The following DPY19L1 variants were observed in gnomAD, a reference collection of about 807,000 sequenced individuals.
The protein encoded by DPY19L1 is protein C-mannosyl-transferase DPY19L1.
A neutral mutation model predicts 96.9 loss-of-function variants in DPY19L1; 35 were observed. That is an observed-to-expected ratio of 0.36 (90% CI 0.28 to 0.48). The LOEUF (loss-of-function observed/expected upper bound fraction) is 0.48, where lower values mean the gene tolerates loss of function less well. DPY19L1 is among the 20% of genes least tolerant of loss of function. The pLI is 0.99. For synonymous variants in DPY19L1, 205 were observed against 252.6 expected (o/e 0.81, Z 1.79); for missense variants, 521 against 777.9 (o/e 0.67, Z 3.93).
rs1231729207 is a variant in DPY19L1, at chr7:35,011,020, C to T, written c.670+310G>A. On this transcript the variant is annotated intron_variant, in intron 5 of 21. Transcript: ENST00000638088. ...CCCCGAAAGGCCACATGTAGGTGTCCCAGCTGAGAGTTCCAGCTGAGCTCA... is the reference window on the plus strand; with the variant it reads ...CCCCGAAAGGCCACATGTAGGTGTCTCAGCTGAGAGTTCCAGCTGAGCTCA... Among the ~76,000 whole-genome samples, 4 of 152,132 alleles carry T rather than the reference C, an allele frequency of 2.6e-5. No individual in the cohort carries two copies. The South Asian group carries it at 8.3e-4, about 32-fold the overall frequency.
chr7:34,953,102 C>G (rs1784302720), intron 13 of DPY19L1, among the ~76,000 whole-genome samples: 1 of 152,100 alleles, frequency 6.6e-6, no homozygotes, highest in Non-Finnish European at 1.5e-5. Flanking sequence ...CAGCTAAAAA[C>G]CTACGCTCAG....
chr7:34,947,127 T>C (rs1049637714), intron 15 of DPY19L1, among the ~76,000 whole-genome samples: 1 of 152,204 alleles, frequency 6.6e-6, no homozygotes, highest in Non-Finnish European at 1.5e-5. Context: ...TTTGATCTTA[T>C]TTATATCTGG....
chr7:35,009,110 C>G (rs1188905722), intron 6 of DPY19L1, among the ~76,000 whole-genome samples: 1 of 152,168 alleles, frequency 6.6e-6, no homozygotes, highest in South Asian at 2.1e-4. Flanking sequence ...AATCTATATG[C>G]AAATATATTT....
chr7:35,033,402 G>T (rs1054113392), intron 1 of DPY19L1, among the ~76,000 whole-genome samples: 4 of 152,080 alleles, frequency 2.6e-5, no homozygotes, highest in Admixed American at 2.6e-4. Context: ...GAAGGTAGGG[G>T]TGACAGAGTC....
intron 1 of DPY19L1, among the ~76,000 whole-genome samples, chr7:35,020,137 GA>G (rs1314332237): frequency 6.6e-6 from 1 of 151,700 alleles, no homozygotes; most frequent in Admixed American, 6.6e-5. Context: ...TGTCTCTAAA[GA>G]AAAAAAATAA....
At chr7:34,989,965 C>G (rs1562818506) in intron 6 of DPY19L1, 24 bp from the exon 7 acceptor site, 12 of 1,596,452 alleles carry the variant, frequency 7.5e-6, no homozygotes, top group Non-Finnish European at 8.5e-6. Context: ...AAACATAACT[C>G]AAATAACAAA....
chr7:35,027,232 G>C (rs986154915), intron 1 of DPY19L1, among the ~76,000 whole-genome samples: 1 of 151,726 alleles, frequency 6.6e-6, no homozygotes, highest in African/African-American at 2.4e-5. Context: ...AAAAAAGAGG[G>C]TTTTCTCTTT....
chr7:34,993,837 A>T (rs749118957), intron 6 of DPY19L1, among the ~76,000 whole-genome samples: 19 of 151,936 alleles, frequency 1.3e-4, no homozygotes, highest in Non-Finnish European at 2.8e-4. Context: ...AGGCAAGTGG[A>T]TCACTTGAGG....
At position 34,938,117 on chromosome 7, in the gene DPY19L1, G is replaced by C; in HGVS notation, c.1967C>G (p.Ala656Gly). ...HPHYEDAGLRARTKIVYSMYS... is the reference protein window; with the variant it reads ...HPHYEDAGLRGRTKIVYSMYS... ...CATTGAGTATACTATTTTTGTTCTGGCTCTTTAAAGAAAAATAATTGGGCA... is the reference window on the plus strand; with the variant it reads ...CATTGAGTATACTATTTTTGTTCTGCCTCTTTAAAGAAAAATAATTGGGCA... The change falls in exon 21 of 22, where the codon GCC becomes GGC. Residue 656 changes from alanine to glycine, a missense_variant and splice_region_variant. Ala to Gly is a moderately conservative substitution (Grantham distance 60). Coordinates refer to ENST00000638088, the MANE Select transcript of DPY19L1 (RefSeq NM_001366673.1). 1 of 1,610,732 alleles carries C rather than the reference G, an allele frequency of 6.2e-7. No individual in the cohort carries two copies. Among genetic ancestry groups the C allele is most frequent in the Non-Finnish European group, 8.5e-7 (1 of 1,179,004 alleles).
At chr7:34,989,126 A>C (rs982737849) in intron 7 of DPY19L1, among the ~76,000 whole-genome samples, 2 of 152,226 alleles carry the variant, frequency 1.3e-5, no homozygotes, top group Non-Finnish European at 2.9e-5. Context: ...TGTTGTCTTT[A>C]GAAAGCCCTT....
At chr7:35,028,398 T>A (rs1374294398) in intron 1 of DPY19L1, among the ~76,000 whole-genome samples, 1 of 152,198 alleles carries the variant, frequency 6.6e-6, no homozygotes, top group Non-Finnish European at 1.5e-5. Flanking sequence ...ATAATTAGGC[T>A]TCTAAACAGA....
At chr7:35,027,048 T>G (rs962385077) in intron 1 of DPY19L1, among the ~76,000 whole-genome samples, 1 of 151,866 alleles carries the variant, frequency 6.6e-6, no homozygotes, top group African/African-American at 2.4e-5. Context: ...TACAAAAAAT[T>G]TAGCTGGGTG....
intron 10 of DPY19L1, among the ~76,000 whole-genome samples, chr7:34,966,106 T>G (rs1016621485): frequency 2.6e-5 from 4 of 151,928 alleles, no homozygotes; most frequent in Non-Finnish European, 5.9e-5. Context: ...AATGTCCTCT[T>G]GCCTCAGCCT....
intron 10 of DPY19L1, 54 bp from the exon 11 acceptor site, chr7:34,958,124 TG>T: frequency 3.1e-6 from 4 of 1,271,430 alleles, no homozygotes; most frequent in Non-Finnish European, 4.3e-6. Context: ...AAAAAACCTT[TG>T]TTTTTTATTG....
chr7:34,966,649 T>C (rs990034597), intron 10 of DPY19L1, among the ~76,000 whole-genome samples: 1 of 152,186 alleles, frequency 6.6e-6, no homozygotes, highest in Non-Finnish European at 1.5e-5. Flanking sequence ...TGTTTCCGTT[T>C]CATAAATTAT....
At chr7:34,972,813 T>C (rs1487358725) in intron 8 of DPY19L1, among the ~76,000 whole-genome samples, 2 of 152,128 alleles carry the variant, frequency 1.3e-5, no homozygotes, top group Non-Finnish European at 1.5e-5. Context: ...GCAAAAACAT[T>C]ACCCATCCCA....
At chr7:34,979,345 A>C (rs929934128) in intron 7 of DPY19L1, among the ~76,000 whole-genome samples, 3 of 152,142 alleles carry the variant, frequency 2.0e-5, no homozygotes, top group African/African-American at 7.2e-5. Context: ...TCTGACTACA[A>C]AATGAAAGCA....
At chr7:35,028,283 A>T (rs973460215) in intron 1 of DPY19L1, among the ~76,000 whole-genome samples, 1 of 152,232 alleles carries the variant, frequency 6.6e-6, no homozygotes, top group Non-Finnish European at 1.5e-5. Context: ...GAAATGCCTT[A>T]GAAATCACAA....
intron 13 of DPY19L1, among the ~76,000 whole-genome samples, chr7:34,952,354 C>G (rs1031822184): frequency 2.6e-5 from 4 of 152,082 alleles, no homozygotes; most frequent in Admixed American, 1.3e-4. Flanking sequence ...AAAGTTCACT[C>G]CAGATGAACT....
Sources: gnomAD v4.1 joint callset for allele counts (sites outside exome capture counted in the v4.1 genomes callset) on GRCh38, gnomAD v4.1.1 for gene constraint, MANE v1.5 for transcripts, NCBI Gene and HGNC (gene_info 2026-07-23, HGNC 2026-07-21) for gene names.